XKR6: variants seen among roughly 807,000 people sequenced by gnomAD.
XKR6 encodes the protein XK-related protein 6.
Under a neutral mutation model 56.7 loss-of-function variants are expected in XKR6, and 22 were observed. That is an observed-to-expected ratio of 0.39 (90% CI 0.28 to 0.55). XKR6 has a LOEUF of 0.55. Among genes scored for constraint, XKR6 ranks in the 20% least tolerant of loss-of-function variants. XKR6 has a pLI of 0.66. For synonymous variants in XKR6, 524 were observed against 387.8 expected (o/e 1.35, Z -4.13); for missense variants, 852 against 889.0 (o/e 0.96, Z 0.53).
chr8:11,038,206 T>C (rs191677465), intron 1 of XKR6, among the ~76,000 whole-genome samples: 9 of 152,298 alleles, frequency 5.9e-5, no homozygotes, highest in Admixed American at 5.9e-4. Context: ...ATATGAAAAA[T>C]GTTACTTGTA....
intron 1 of XKR6, among the ~76,000 whole-genome samples, chr8:10,977,253 A>G (rs1802594382): frequency 6.6e-6 from 1 of 152,098 alleles, no homozygotes; most frequent in Admixed American, 6.5e-5. Flanking sequence ...GCCTGAAACC[A>G]TGGAGATTTT....
chr8:10,983,598 A>G (rs1157635526), intron 1 of XKR6, among the ~76,000 whole-genome samples: 3 of 152,182 alleles, frequency 2.0e-5, no homozygotes, highest in African/African-American at 7.2e-5. Flanking sequence ...AGAACAGACA[A>G]CAGCAACACT....
chr8:10,906,244 C>A (rs1279304869), intron 2 of XKR6, among the ~76,000 whole-genome samples: 2 of 152,158 alleles, frequency 1.3e-5, no homozygotes, highest in African/African-American at 2.4e-5. Context: ...AACCAGAGCT[C>A]CACCAAATCC....
At chr8:11,090,527 C>T (rs1432922415) in intron 1 of XKR6, among the ~76,000 whole-genome samples, 2 of 152,092 alleles carry the variant, frequency 1.3e-5, no homozygotes, top group Non-Finnish European at 2.9e-5. Flanking sequence ...TTTACATATT[C>T]AGCAGCAGTA....
intron 1 of XKR6, among the ~76,000 whole-genome samples, chr8:10,925,265 C>T (rs913942478): frequency 1.3e-5 from 2 of 152,166 alleles, no homozygotes; most frequent in Non-Finnish European, 2.9e-5. Flanking sequence ...GGAAGGGAAG[C>T]GGGTGAACAT....
At chr8:11,032,111 T>C (rs547449544) in intron 1 of XKR6, among the ~76,000 whole-genome samples, 6 of 152,272 alleles carry the variant, frequency 3.9e-5, no homozygotes, top group Admixed American at 2.6e-4. Context: ...AATTCTAGGG[T>C]GATACTGCCC....
At chr8:11,092,846 G>C (rs138140954) in intron 1 of XKR6, among the ~76,000 whole-genome samples, 1 of 152,290 alleles carries the variant, frequency 6.6e-6, no homozygotes, top group Non-Finnish European at 1.5e-5. Flanking sequence ...GGGCCTGACA[G>C]ACCAAACCAT....
At chr8:11,165,214 C>T (rs889150189) in intron 1 of XKR6, among the ~76,000 whole-genome samples, 23 of 150,204 alleles carry the variant, frequency 1.5e-4, no homozygotes, top group African/African-American at 5.6e-4. Flanking sequence ...ATTCTCCTGC[C>T]TCAGCCTCCC....
intron 1 of XKR6, among the ~76,000 whole-genome samples, chr8:10,989,064 C>T (rs1797929238): frequency 6.6e-6 from 1 of 152,174 alleles, no homozygotes; most frequent in African/African-American, 2.4e-5. Flanking sequence ...TCACCATGAC[C>T]ACCTGGGTTA....
chr8:11,060,193 G>C (rs1319659579), intron 1 of XKR6, among the ~76,000 whole-genome samples: 1 of 152,164 alleles, frequency 6.6e-6, no homozygotes, highest in African/African-American at 2.4e-5. Flanking sequence ...TCTGGGCTTA[G>C]GGGTGCTAGC....
At chr8:11,176,137 G>A (rs1426704117) in intron 1 of XKR6, among the ~76,000 whole-genome samples, 1 of 152,170 alleles carries the variant, frequency 6.6e-6, no homozygotes, top group Non-Finnish European at 1.5e-5. Context: ...CCTGTGCTTA[G>A]CATCTTTAAA....
chr8:11,137,076 T>C (rs1409195061), intron 1 of XKR6: 2 of 153,620 alleles, frequency 1.3e-5, no homozygotes, highest in East Asian at 3.8e-4. Flanking sequence ...GTGAAATTTG[T>C]AAATAAAAGA....
intron 1 of XKR6, among the ~76,000 whole-genome samples, chr8:10,940,284 C>G (rs373474044): frequency 4.6e-5 from 7 of 152,202 alleles, no homozygotes; most frequent in Non-Finnish European, 8.8e-5. Context: ...AGGACTCTCA[C>G]TGTAAGTTAC....
chr8:10,933,829 T>C (rs1290794746), intron 1 of XKR6, among the ~76,000 whole-genome samples: 6 of 135,870 alleles, frequency 4.4e-5, no homozygotes, highest in Non-Finnish European at 7.9e-5. Context: ...AGTCAGGTAG[T>C]GTGATGCCTC....
intron 1 of XKR6, among the ~76,000 whole-genome samples, chr8:11,016,777 G>C (rs1460163505): frequency 6.6e-6 from 1 of 152,140 alleles, no homozygotes; most frequent in Non-Finnish European, 1.5e-5. Flanking sequence ...GAGCCGGCGC[G>C]TCCTTGCTCC....
rs116168270 is a variant in XKR6, at chr8:10,950,529, C to A, written c.765-25699G>T. On this transcript the variant is annotated intron_variant, in intron 1 of 2. Transcript: ENST00000416569. ...AGTCACCTCGTTCATAAAGTGGGAA[C>A]AAGGGTCTCTTGTTGGATTCTCTCT... Among the ~76,000 whole-genome samples, 1,155 of 152,266 alleles carry A rather than the reference C, an allele frequency of 7.6e-3. 14 individuals carry two copies. Among genetic ancestry groups the A allele is most frequent in the African/African-American group, 0.027 (1,106 of 41,542 alleles).
chr8:11,137,488 G>A, intron 1 of XKR6: 1 of 446,030 alleles, frequency 2.2e-6, no homozygotes, highest in Non-Finnish European at 4.5e-6. Flanking sequence ...TCTGAGAATA[G>A]AATCTCTGCT....
chr8:11,053,426 A>T (rs569458929), intron 1 of XKR6, among the ~76,000 whole-genome samples: 9 of 152,338 alleles, frequency 5.9e-5, no homozygotes, highest in African/African-American at 2.2e-4. Flanking sequence ...TTCTGGTGCT[A>T]ATTAGAAAGA....
chr8:11,077,202 T>C (rs919578711), intron 1 of XKR6, among the ~76,000 whole-genome samples: 2 of 152,082 alleles, frequency 1.3e-5, no homozygotes, highest in Non-Finnish European at 2.9e-5. Context: ...GCATAAAGCA[T>C]TGTGTCCAGC....
Sources: allele counts gnomAD v4.1 joint callset (sites outside exome capture counted in the v4.1 genomes callset), GRCh38; gene constraint gnomAD v4.1.1; transcripts MANE v1.5; gene names NCBI Gene and HGNC (gene_info 2026-07-23, HGNC 2026-07-21).